The following NRXN3 variants were observed in gnomAD, a reference collection of about 807,000 sequenced individuals.
The protein encoded by NRXN3 is neurexin III.
NRXN3 carries 32 observed loss-of-function variants against 137.6 expected under a neutral mutation model. The observed-to-expected ratio is 0.23, with a 90% CI of 0.18 to 0.31. The LOEUF (loss-of-function observed/expected upper bound fraction) is 0.31. Among genes scored for constraint, NRXN3 ranks in the 10% least tolerant of loss-of-function variants. The pLI is 1.00. For synonymous variants in NRXN3, 798 were observed against 784.5 expected (o/e 1.02, Z -0.29); for missense variants, 1,574 against 2,062.5 (o/e 0.76, Z 4.59).
chr14:78,729,554 GAGA>G (rs1027803564), intron 8 of NRXN3, among the ~76,000 whole-genome samples: 10 of 152,182 alleles, frequency 6.6e-5, no homozygotes, highest in African/African-American at 2.4e-4. Context: ...CTAGGTGGTG[GAGA>G]AGAACTGTAA....
At chr14:78,251,314 T>C (rs755933319) in intron 2 of NRXN3, among the ~76,000 whole-genome samples, 5 of 152,222 alleles carry the variant, frequency 3.3e-5, no homozygotes, top group Admixed American at 6.5e-5. Flanking sequence ...TGTCTATTCC[T>C]TTGTGTGTGT....
chr14:78,542,507 A>G (rs2096600192), intron 4 of NRXN3, among the ~76,000 whole-genome samples: 1 of 152,224 alleles, frequency 6.6e-6, no homozygotes. Context: ...GGCACAGGAG[A>G]GAATCTCCTT....
chr14:79,030,866 T>A (rs1343157653), intron 15 of NRXN3, among the ~76,000 whole-genome samples: 1 of 152,034 alleles, frequency 6.6e-6, no homozygotes, highest in Admixed American at 6.6e-5. Flanking sequence ...AATGACTATT[T>A]GTGTTTCTGG....
intron 15 of NRXN3, among the ~76,000 whole-genome samples, chr14:79,257,960 A>C (rs529314338): frequency 3.3e-5 from 5 of 152,112 alleles, no homozygotes; most frequent in African/African-American, 9.6e-5. Flanking sequence ...GAAAAAAAAA[A>C]GTTGTGACTG....
chr14:78,923,298 C>T (rs144800321), intron 10 of NRXN3, among the ~76,000 whole-genome samples: 106 of 152,292 alleles, frequency 7.0e-4, no homozygotes, highest in Non-Finnish European at 1.3e-3. Flanking sequence ...TACATTTTTA[C>T]ATTTCCTGTT....
At chr14:78,757,961 C>T (rs1275030035) in intron 8 of NRXN3, among the ~76,000 whole-genome samples, 2 of 152,182 alleles carry the variant, frequency 1.3e-5, no homozygotes, top group Admixed American at 1.3e-4. Context: ...TAAAGACTTA[C>T]TGGAAAGCTC....
At chr14:79,144,750 C>A (rs2059137200) in intron 15 of NRXN3, among the ~76,000 whole-genome samples, 1 of 152,094 alleles carries the variant, frequency 6.6e-6, no homozygotes, top group Non-Finnish European at 1.5e-5. Flanking sequence ...AATATGGTAT[C>A]TTCTTGGTTG....
At chr14:79,198,361 C>A (rs2065428049) in intron 15 of NRXN3, among the ~76,000 whole-genome samples, 1 of 152,158 alleles carries the variant, frequency 6.6e-6, no homozygotes. Context: ...CAACAAGTGT[C>A]AGAGCATACA....
chr14:78,478,296 T>C (rs1250911400), intron 4 of NRXN3, among the ~76,000 whole-genome samples: 1 of 152,072 alleles, frequency 6.6e-6, no homozygotes, highest in Non-Finnish European at 1.5e-5. Context: ...CAGAGACAAG[T>C]AGTTATGAGA....
At chr14:78,993,319 G>A (rs1293176584) in intron 15 of NRXN3, among the ~76,000 whole-genome samples, 1 of 152,064 alleles carries the variant, frequency 6.6e-6, no homozygotes, top group Non-Finnish European at 1.5e-5. Flanking sequence ...TGCAAAGAAG[G>A]GGACAGATAT....
intron 16 of NRXN3, among the ~76,000 whole-genome samples, chr14:79,607,060 A>G (rs1207599976): frequency 1.3e-5 from 2 of 152,148 alleles, no homozygotes; most frequent in East Asian, 3.9e-4. Flanking sequence ...GTGCATGCTT[A>G]TTTGCATTTG....
At chr14:79,547,961 G>A (rs138806557) in intron 16 of NRXN3, among the ~76,000 whole-genome samples, 8 of 152,186 alleles carry the variant, frequency 5.3e-5, no homozygotes, top group East Asian at 1.9e-4. Context: ...GGTGAGAAGA[G>A]GCTAGGAGAG....
intron 8 of NRXN3, among the ~76,000 whole-genome samples, chr14:78,792,514 C>G (rs2098808877): frequency 6.6e-6 from 1 of 151,888 alleles, no homozygotes; most frequent in South Asian, 2.1e-4. Flanking sequence ...AGTACTTCAA[C>G]AAAGAAATTA....
intron 20 of NRXN3, among the ~76,000 whole-genome samples, chr14:79,807,862 T>C (rs1350708961): frequency 6.6e-6 from 1 of 152,180 alleles, no homozygotes; most frequent in Non-Finnish European, 1.5e-5. Context: ...GATTTGGATA[T>C]ACAGGGAAAT....
intron 15 of NRXN3, among the ~76,000 whole-genome samples, chr14:79,422,167 T>A (rs1410240899): frequency 6.6e-6 from 1 of 152,118 alleles, no homozygotes; most frequent in Non-Finnish European, 1.5e-5. Context: ...TCAAGTGATC[T>A]CCTGCCTCAG....
intron 17 of NRXN3, among the ~76,000 whole-genome samples, chr14:79,688,371 T>C (rs2098703564): frequency 6.6e-6 from 1 of 152,146 alleles, no homozygotes; most frequent in African/African-American, 2.4e-5. Context: ...CTATGCTGTA[T>C]TGATTATGGC....
At chr14:78,522,668 A>G (rs975286010) in intron 4 of NRXN3, among the ~76,000 whole-genome samples, 2 of 152,208 alleles carry the variant, frequency 1.3e-5, no homozygotes, top group Non-Finnish European at 2.9e-5. Context: ...GGTTGGGCAC[A>G]TATCTAGGTC....
Position 78,839,177 on chromosome 14 carries a change from C to G in NRXN3, c.2275+28833C>G, listed in dbSNP as rs146259692. ...AAAATATATGACTAGAAGAGCTGCT[C>G]TATTCTGGGATGGCCATGGAGCATC... is the stretch of plus-strand genomic sequence containing the variant. On this transcript the variant is annotated intron_variant, in intron 10 of 20. Transcript: ENST00000335750. Among the ~76,000 whole-genome samples, 650 of 152,266 alleles carry G rather than the reference C, an allele frequency of 4.3e-3. 3 individuals carry two copies. Among genetic ancestry groups the G allele is most frequent in the Non-Finnish European group, 6.8e-3 (464 of 68,020 alleles).
intron 6 of NRXN3, among the ~76,000 whole-genome samples, chr14:78,703,231 A>G (rs145005386): frequency 2.6e-5 from 4 of 152,362 alleles, no homozygotes; most frequent in African/African-American, 9.6e-5. Flanking sequence ...CTGTACAAAG[A>G]TAACAAAGTT....
Sources: gnomAD v4.1 joint callset for allele counts (sites outside exome capture counted in the v4.1 genomes callset) on GRCh38, gnomAD v4.1.1 for gene constraint, MANE v1.5 for transcripts, NCBI Gene and HGNC (gene_info 2026-07-23, HGNC 2026-07-21) for gene names.